VSIG10: variants seen among roughly 807,000 people sequenced by gnomAD.
VSIG10 encodes V-set and immunoglobulin domain containing 10.
In VSIG10, 48 loss-of-function variants were observed where a neutral mutation model predicts 58.7. That is an observed-to-expected ratio of 0.82 (90% CI 0.65 to 1.04). The LOEUF (loss-of-function observed/expected upper bound fraction) is 1.04, where lower values mean the gene tolerates loss of function less well. VSIG10 is among the 50% of genes least tolerant of loss of function. VSIG10 has a pLI of 0.00. For missense variants in VSIG10, 628 were observed against 670.0 expected (o/e 0.94, Z 0.69); for synonymous variants, 260 against 267.1 (o/e 0.97, Z 0.26).
chr12:118,080,167 CT>C (rs71069407), intron 3 of VSIG10, among the ~76,000 whole-genome samples: 29,025 of 142,470 alleles, frequency 0.2, 3,889 homozygotes, highest in African/African-American at 0.4. Context: ...TTTTTCTTTT[CT>C]TTTTTTTTTT....
chr12:118,068,203 T>TC (rs2032329978), intron 8 of VSIG10, among the ~76,000 whole-genome samples, 174 bp downstream of exon 8: 1 of 147,062 alleles, frequency 6.8e-6, no homozygotes, highest in African/African-American at 2.5e-5. Flanking sequence ...TCTTTTTTTT[T>TC]TTTTTTTTTT....
chr12:118,070,123 G>A (rs944182131), intron 7 of VSIG10, among the ~76,000 whole-genome samples: 5 of 152,120 alleles, frequency 3.3e-5, no homozygotes, highest in African/African-American at 1.2e-4. Flanking sequence ...GGATCATAGA[G>A]AAGAGTACTC....
chr12:118,069,991 G>A (rs2032420881), intron 7 of VSIG10, among the ~76,000 whole-genome samples: 1 of 152,142 alleles, frequency 6.6e-6, no homozygotes, highest in South Asian at 2.1e-4. Context: ...CCCAGGGAAT[G>A]ACAGACTTAC....
chr12:118,071,374 C>G lies in VSIG10; in HGVS notation c.1315G>C (p.Val439Leu). 1 of 1,613,888 alleles carries G rather than the reference C, an allele frequency of 6.2e-7. No individual in the cohort carries two copies. Reference protein sequence around the residue: ...ISGLLLHYSPVFCWKVGNTSR... With the variant: ...ISGLLLHYSPLFCWKVGNTSR... ...GAGTCCTTACCTTTCCAGCAGAACA[C>G]AGGGCTATAATGCAACAGAAGCCCT... The change falls in exon 6 of 9, where the codon GTG becomes CTG. Residue 439 changes from valine (V) to leucine (L), a missense_variant. Val to Leu is a conservative substitution (Grantham distance 32). Coordinates refer to ENST00000359236, the MANE Select transcript of VSIG10 (RefSeq NM_019086.6).
At chr12:118,099,058 G>A (rs1042425406) in intron 1 of VSIG10, among the ~76,000 whole-genome samples, 4 of 151,412 alleles carry the variant, frequency 2.6e-5, no homozygotes, top group African/African-American at 9.7e-5. Flanking sequence ...GTGTGTTAGC[G>A]AGCCCTCCAG....
chr12:118,090,574 C>T (rs887683461), intron 2 of VSIG10, among the ~76,000 whole-genome samples: 9 of 152,166 alleles, frequency 5.9e-5, no homozygotes, highest in African/African-American at 1.2e-4. Flanking sequence ...CCTGCCACGC[C>T]GGCCTTCTCC....
At chr12:118,072,046 G>A (rs189220302) in intron 5 of VSIG10, among the ~76,000 whole-genome samples, 194 of 152,320 alleles carry the variant, frequency 1.3e-3, no homozygotes, top group African/African-American at 4.3e-3. Flanking sequence ...GTGCATGTCT[G>A]TAATCCCAGC....
intron 1 of VSIG10, among the ~76,000 whole-genome samples, chr12:118,097,159 C>A (rs1288567027): frequency 6.6e-6 from 1 of 152,218 alleles, no homozygotes; most frequent in Admixed American, 6.5e-5. Flanking sequence ...CAGTTGTCCA[C>A]CCAGTCTGCC....
intron 2 of VSIG10, among the ~76,000 whole-genome samples, chr12:118,094,158 CT>C (rs1566176090): frequency 2.6e-5 from 4 of 151,776 alleles, no homozygotes; most frequent in Middle Eastern, 3.4e-3. Context: ...AGTGCAGTGG[CT>C]ATTGATAGGT....
chr12:118,080,428 G>A (rs1171810038), intron 3 of VSIG10, among the ~76,000 whole-genome samples: 1 of 152,098 alleles, frequency 6.6e-6, no homozygotes, highest in Non-Finnish European at 1.5e-5. Context: ...CCAAAGCGCT[G>A]AAATTATAGA....
chr12:118,089,440 G>A (rs1020381993), intron 2 of VSIG10, among the ~76,000 whole-genome samples: 2 of 152,158 alleles, frequency 1.3e-5, no homozygotes, highest in Non-Finnish European at 2.9e-5. Context: ...AAGTTGCAAT[G>A]TCGCCTTACC....
intron 1 of VSIG10, among the ~76,000 whole-genome samples, chr12:118,097,896 C>A (rs912868960): frequency 9.2e-5 from 14 of 152,148 alleles, no homozygotes; most frequent in African/African-American, 3.4e-4. Context: ...GTACTCCAGC[C>A]TGGGTGACAA....
At chr12:118,068,279 C>G in intron 8 of VSIG10, 98 bp downstream of exon 8, 2 of 1,138,236 alleles carry the variant, frequency 1.8e-6, no homozygotes, top group Non-Finnish European at 2.4e-6. Flanking sequence ...AAGTGATCTT[C>G]CCACCTTGGC....
chr12:118,096,966 G>A (rs1354098380), intron 1 of VSIG10, among the ~76,000 whole-genome samples: 2 of 152,164 alleles, frequency 1.3e-5, no homozygotes, highest in African/African-American at 4.8e-5. Flanking sequence ...TTGAACCCAG[G>A]AGGTGGAGGT....
intron 4 of VSIG10, 131 bp downstream of exon 4, chr12:118,079,215 G>A: frequency 7.7e-7 from 1 of 1,305,106 alleles, no homozygotes; most frequent in Non-Finnish European, 1.0e-6. Context: ...AAAAAGAAAG[G>A]GAGAAAGGGA....
Position 118,103,852 on chromosome 12 carries a change from G to A in VSIG10, c.-181C>T, listed in dbSNP as rs1355131124. On this transcript the variant is annotated 5_prime_UTR_variant, in exon 1 of 9. Coordinates refer to ENST00000359236, the MANE Select transcript of VSIG10 (RefSeq NM_019086.6). ...GAGCCGAGTGTCCAGGGCCGGCAGC[G>A]GAGCTCGGCTGCAGGCTCGGGTCCC... The A allele has an allele frequency of 9.5e-6, 5 of 528,012 alleles. No individual in the cohort carries two copies. Among genetic ancestry groups the A allele is most frequent in the East Asian group, 7.1e-5 (2 of 28,250 alleles). 32.7% of individuals were successfully genotyped at this position (528,012 alleles called of 1,614,324 possible). A position where few individuals can be genotyped will look rare whatever the true frequency, so the allele number is the denominator to read the frequency against.
In VSIG10 at chr12:118,065,919, A is replaced by G. The variant is rs555779715; in HGVS notation, c.*720T>C. 2 of 152,214 alleles carry G rather than the reference A, an allele frequency of 1.3e-5. No homozygotes were observed. The highest frequency in any genetic ancestry group is 2.4e-5 in the African/African-American group (1 of 41,446). The allele number at this position is 152,214 out of a possible 1,614,324, so 9.4% of individuals were successfully genotyped here. A position where few individuals can be genotyped will look rare whatever the true frequency, so the allele number is the denominator to read the frequency against. On this transcript the variant is annotated 3_prime_UTR_variant, in exon 9 of 9. Coordinates refer to ENST00000359236, the MANE Select transcript of VSIG10 (RefSeq NM_019086.6). ...CTTTCCAAGCTTTCAGAACGAGACA[A>G]TAATAAGTGAGCAGCTTCCTCATCT...
intron 2 of VSIG10, among the ~76,000 whole-genome samples, chr12:118,093,410 A>G (rs2033356067): frequency 6.6e-6 from 1 of 151,656 alleles, no homozygotes; most frequent in African/African-American, 2.4e-5. Context: ...GGGTCTCACT[A>G]TGTTAACCAA....
intron 7 of VSIG10, 153 bp downstream of exon 7, chr12:118,070,899 A>G (rs2032464204): frequency 1.1e-6 from 1 of 909,140 alleles, no homozygotes; most frequent in East Asian, 2.7e-5. Context: ...AGGGTTTATA[A>G]GAATACCTGA....
Sources: allele counts gnomAD v4.1 joint callset (sites outside exome capture counted in the v4.1 genomes callset), GRCh38; gene constraint gnomAD v4.1.1; transcripts MANE v1.5; gene names NCBI Gene and HGNC (gene_info 2026-07-23, HGNC 2026-07-21).